The following RPS6KC1 variants were observed in gnomAD, a reference collection of about 807,000 sequenced individuals.
The protein encoded by RPS6KC1 is inactive ribosomal protein S6 kinase delta-1.
RPS6KC1 carries 54 observed loss-of-function variants against 103.8 expected under a neutral mutation model. That is an observed-to-expected ratio of 0.52 (90% CI 0.42 to 0.65). RPS6KC1 has a LOEUF of 0.65. Ranked by LOEUF, RPS6KC1 falls within the 30% of genes least tolerant of loss-of-function variation. The pLI is 0.00. For missense variants in RPS6KC1, 1,151 were observed against 1,253.8 expected, an observed-to-expected ratio of 0.92 and a Z score of 1.24; for synonymous variants, 439 against 438.7, an observed-to-expected ratio of 1.00 and a Z score of -0.01.
chr1:213,276,453 G>A (rs1237132818), downstream of RPS6KC1, among the ~76,000 whole-genome samples: 3 of 152,146 alleles, frequency 2.0e-5, no homozygotes, highest in Admixed American at 2.0e-4. Flanking sequence ...TCCTGGTCAT[G>A]TCTCTGTGAC....
the RPS6KC1 span, among the ~76,000 whole-genome samples, chr1:213,625,825 A>G: frequency 6.6e-6 from 1 of 152,094 alleles, no homozygotes; most frequent in Non-Finnish European, 1.5e-5. Flanking sequence ...AATCCAGTCT[A>G]TCGTTGTTGG....
chr1:213,544,391 C>G, the RPS6KC1 span, among the ~76,000 whole-genome samples: 1 of 152,158 alleles, frequency 6.6e-6, no homozygotes, highest in African/African-American at 2.4e-5. Context: ...CTAGGGGTGA[C>G]TCTTTATACA....
At chr1:213,440,180 A>G in the RPS6KC1 span, among the ~76,000 whole-genome samples, 2 of 152,166 alleles carry the variant, frequency 1.3e-5, no homozygotes, top group South Asian at 4.1e-4. Flanking sequence ...GCTTTCCATC[A>G]TCCTTCCCCA....
chr1:213,364,485 G>A, the RPS6KC1 span, among the ~76,000 whole-genome samples: 3 of 152,138 alleles, frequency 2.0e-5, no homozygotes, highest in African/African-American at 7.2e-5. Flanking sequence ...GTTGTTGGTG[G>A]GTTCACAACC....
chr1:213,160,017 T>A (rs761947284), intron 6 of RPS6KC1, among the ~76,000 whole-genome samples: 6 of 152,230 alleles, frequency 3.9e-5, no homozygotes, highest in Non-Finnish European at 8.8e-5. Flanking sequence ...TATTTTGTAA[T>A]TACTTGAGTT....
At chr1:213,131,633 G>T (rs1011922697) in intron 6 of RPS6KC1, among the ~76,000 whole-genome samples, 3 of 151,978 alleles carry the variant, frequency 2.0e-5, no homozygotes, top group African/African-American at 7.3e-5. Context: ...TAGCAGAAAC[G>T]GGGTTTCACC....
intron 4 of RPS6KC1, among the ~76,000 whole-genome samples, chr1:213,109,396 C>A (rs890577873): frequency 6.6e-6 from 1 of 152,160 alleles, no homozygotes; most frequent in Admixed American, 6.5e-5. Context: ...CTCGGCCTCC[C>A]AAAGTGCTGG....
At chr1:213,629,661 G>C in the RPS6KC1 span, among the ~76,000 whole-genome samples, 1 of 152,172 alleles carries the variant, frequency 6.6e-6, no homozygotes, top group African/African-American at 2.4e-5. Context: ...GTTAGTTGAT[G>C]CAGTTTCTTC....
At chr1:213,659,777 G>C in the RPS6KC1 span, among the ~76,000 whole-genome samples, 1 of 152,102 alleles carries the variant, frequency 6.6e-6, no homozygotes, top group Non-Finnish European at 1.5e-5. Context: ...AGTGCATACT[G>C]TTCCCAACAG....
At chr1:213,231,661 T>C (rs190975295) in intron 9 of RPS6KC1, among the ~76,000 whole-genome samples, 2 of 152,318 alleles carry the variant, frequency 1.3e-5, no homozygotes, top group East Asian at 3.9e-4. Context: ...CCTTATTCCT[T>C]GTAAGAAGAC....
At chr1:213,611,391 G>A in the RPS6KC1 span, among the ~76,000 whole-genome samples, 5 of 152,140 alleles carry the variant, frequency 3.3e-5, no homozygotes, top group Non-Finnish European at 5.9e-5. Context: ...CTCCACATGT[G>A]TGTTTGTTGG....
At chr1:213,068,873 ATG>A (rs60259563) in intron 1 of RPS6KC1, among the ~76,000 whole-genome samples, 8,281 of 127,256 alleles carry the variant, frequency 0.065, 377 homozygotes, top group African/African-American at 0.13. Flanking sequence ...AAGTGTATAT[ATG>A]TGTGTGTGTG....
the RPS6KC1 span, among the ~76,000 whole-genome samples, chr1:213,411,035 C>T: frequency 2.0e-5 from 3 of 151,830 alleles, no homozygotes; most frequent in African/African-American, 7.3e-5. Context: ...ATGGCAGGAC[C>T]AGGATGGAGA....
At chr1:213,729,728 T>C in the RPS6KC1 span, among the ~76,000 whole-genome samples, 1,604 of 151,850 alleles carry the variant, frequency 0.011, 24 homozygotes, top group African/African-American at 0.037. Flanking sequence ...TATTCTTTTT[T>C]TATTTTTATT....
At chr1:213,279,254 G>A (rs947563188), downstream of RPS6KC1, among the ~76,000 whole-genome samples, 4 of 152,248 alleles carry the variant, frequency 2.6e-5, no homozygotes, top group East Asian at 3.9e-4. Flanking sequence ...GATAAAGTCC[G>A]CAGTTAAGGT....
At chr1:213,398,132 A>G in the RPS6KC1 span, among the ~76,000 whole-genome samples, 4 of 151,316 alleles carry the variant, frequency 2.6e-5, 1 homozygote, top group South Asian at 8.4e-4. Flanking sequence ...CCTGGGTTCA[A>G]GCGATTCTTC....
At chr1:213,785,838 A>G in the RPS6KC1 span, among the ~76,000 whole-genome samples, 14 of 152,178 alleles carry the variant, frequency 9.2e-5, no homozygotes, top group African/African-American at 3.4e-4. Flanking sequence ...GATTTGAATG[A>G]CACAGTAAGT....
At chr1:213,348,748 G>A in the RPS6KC1 span, among the ~76,000 whole-genome samples, 4 of 152,268 alleles carry the variant, frequency 2.6e-5, no homozygotes, top group East Asian at 1.9e-4. Context: ...AAGCTGCTCC[G>A]TATTCTCCTT....
chr1:213,558,742 G>A, the RPS6KC1 span, among the ~76,000 whole-genome samples: 1 of 152,168 alleles, frequency 6.6e-6, no homozygotes, highest in Non-Finnish European at 1.5e-5. Context: ...GTAACCTATT[G>A]TTGTGCCAAT....
Sources: gnomAD v4.1 joint callset for allele counts (sites outside exome capture counted in the v4.1 genomes callset) on GRCh38, gnomAD v4.1.1 for gene constraint, MANE v1.5 for transcripts, NCBI Gene and HGNC (gene_info 2026-07-23, HGNC 2026-07-21) for gene names.